DYM: variants seen among roughly 807,000 people sequenced by gnomAD.
DYM encodes dyggve-Melchior-Clausen syndrome protein.
In DYM, 78 loss-of-function variants were observed where a neutral mutation model predicts 93.1. The ratio of observed to expected loss-of-function variants is 0.84; its 90% CI spans 0.70 to 1.01. DYM has a LOEUF of 1.01. Among genes scored for constraint, DYM ranks in the 50% least tolerant of loss-of-function variants. DYM has a pLI of 0.00. For missense variants in DYM, 789 were observed against 845.0 expected (o/e 0.93, Z 0.82); for synonymous variants, 321 against 319.7 (o/e 1.00, Z -0.04).
intron 17 of DYM, among the ~76,000 whole-genome samples, chr18:49,083,806 T>C (rs1174128425): frequency 6.6e-6 from 1 of 152,204 alleles, no homozygotes; most frequent in Non-Finnish European, 1.5e-5. Context: ...AATATTGTAT[T>C]CCTTTATATT....
intron 8 of DYM, among the ~76,000 whole-genome samples, chr18:49,288,779 C>CAA (rs764326331): frequency 1.2e-4 from 17 of 139,516 alleles, no homozygotes; most frequent in Admixed American, 1.0e-3. Context: ...GACTCTGTCT[C>CAA]AAAAAAAAAC....
rs185636168 is a variant in DYM, at chr18:49,367,692, T to A, written c.422-4459A>T. Among the ~76,000 whole-genome samples the A allele has an allele frequency of 1.2e-3, 187 of 151,848 alleles. 1 individual carries two copies. The highest frequency in any genetic ancestry group is 1.9e-3 in the Non-Finnish European group (128 of 67,898). ...TTAAAAGAAATGTTAAAAGACAGAG[T>A]TTTTGTCTTTGTTTTCTTTGCGTTC... On this transcript the variant is annotated intron_variant, in intron 5 of 17. Coordinates refer to ENST00000675505, the MANE Select transcript of DYM (RefSeq NM_001353214.3).
At chr18:49,091,954 A>G (rs914756250) in intron 17 of DYM, among the ~76,000 whole-genome samples, 2 of 152,148 alleles carry the variant, frequency 1.3e-5, no homozygotes, top group Non-Finnish European at 2.9e-5. Flanking sequence ...ACTAAATAAT[A>G]CTGGATCATT....
chr18:49,152,367 C>T (rs1249796425), intron 15 of DYM, among the ~76,000 whole-genome samples: 1 of 152,096 alleles, frequency 6.6e-6, no homozygotes, highest in Non-Finnish European at 1.5e-5. Flanking sequence ...TAGAATCACT[C>T]TCAGAACATT....
chr18:49,133,946 G>T (rs1331076015), intron 15 of DYM, among the ~76,000 whole-genome samples: 3 of 152,168 alleles, frequency 2.0e-5, no homozygotes, highest in African/African-American at 2.4e-5. Context: ...CCAAATGTCC[G>T]ATAGTAGATG....
At position 49,221,795 on chromosome 18, in the gene DYM, T is replaced by C. The variant is rs375620702; in HGVS notation, c.1461-12080A>G. On this transcript the variant is annotated intron_variant, in intron 13 of 17. Coordinates refer to ENST00000675505, the MANE Select transcript of DYM (RefSeq NM_001353214.3). ...GAGGGAGGGATAGCATTAGGAGATA[T>C]ACCTAATGCTAAATGACGAGTTAAT... Among the ~76,000 whole-genome samples the C allele has an allele frequency of 1.4e-4, 21 of 152,158 alleles. No homozygotes were observed. In the South Asian group the frequency reaches 4.2e-3, roughly 30 times the overall value.
intron 8 of DYM, among the ~76,000 whole-genome samples, chr18:49,289,404 T>TAAAAAAAAAAAAAAAAAAAAAA (rs56240607): frequency 6.0e-5 from 2 of 33,508 alleles, no homozygotes; most frequent in African/African-American, 1.2e-4. Flanking sequence ...TACAAATCAG[T>TAAAAAAAAAAAAAAAAAAAAAA]AAAAAAAAAA....
chr18:49,451,584 G>A (rs1278808393), intron 1 of DYM, among the ~76,000 whole-genome samples: 2 of 152,234 alleles, frequency 1.3e-5, no homozygotes, highest in Non-Finnish European at 2.9e-5. Context: ...GCTGGGCTCA[G>A]CTTTAAGAAG....
At position 49,163,871 on chromosome 18, in the gene DYM, T is replaced by A. The variant is rs2087517961; in HGVS notation, c.1626-84A>T. On this transcript the variant is annotated intron_variant, in intron 14 of 17. Coordinates refer to ENST00000675505, the MANE Select transcript of DYM (RefSeq NM_001353214.3). ...TGTGGAAATATATAGTTCCACAGCATGTCAATTATTCTAAAATATACTTGT... is the reference window on the plus strand; with the variant it reads ...TGTGGAAATATATAGTTCCACAGCAAGTCAATTATTCTAAAATATACTTGT... The A allele has an allele frequency of 2.8e-5, 24 of 843,818 alleles. 2 individuals carry two copies. The South Asian group carries it at 3.0e-4, about 11-fold the overall frequency. The allele number at this position is 843,818 out of a possible 1,614,324, so 52.3% of individuals were successfully genotyped here.
At position 49,106,014 on chromosome 18, in the gene DYM, A is replaced by C. The variant is rs532832361; in HGVS notation, c.1912-8499T>G. The stretch of plus-strand genomic sequence containing the variant: ...TCTAATGTTGACAGTGGGGTGTTAG[A>C]GTCTCCCATTATTATTGTGTGGGAG... On this transcript the variant is annotated intron_variant, in intron 16 of 17. Coordinates refer to ENST00000675505, the MANE Select transcript of DYM (RefSeq NM_001353214.3). Among the ~76,000 whole-genome samples the C allele has an allele frequency of 2.0e-5, 3 of 152,282 alleles. No individual in the cohort carries two copies. In the East Asian group the frequency reaches 5.8e-4, roughly 29 times the overall value.
intron 14 of DYM, among the ~76,000 whole-genome samples, chr18:49,194,694 T>C (rs1238523291): frequency 6.6e-6 from 1 of 152,160 alleles, no homozygotes; most frequent in African/African-American, 2.4e-5. Flanking sequence ...GGGGTTTTAA[T>C]GTTACTGTTA....
chr18:49,229,583 A>G lies in DYM; in HGVS notation c.1461-19868T>C, dbSNP rs532005465. 1.2e-4 allele frequency among the ~76,000 whole-genome samples: 18 copies of G among 152,310 alleles called. 1 individual carries two copies. The South Asian group carries it at 3.5e-3, about 30-fold the overall frequency. On this transcript the variant is annotated intron_variant, in intron 13 of 17. Coordinates refer to ENST00000675505, the MANE Select transcript of DYM (RefSeq NM_001353214.3). The stretch of plus-strand genomic sequence containing the variant: ...TAAAACCATGAGTGAGCACCACAGA[A>G]CTATTAAAATGGCTTTTACAAAAAG...
intron 2 of DYM, among the ~76,000 whole-genome samples, chr18:49,398,672 T>C (rs2070415574): frequency 1.3e-5 from 2 of 152,222 alleles, no homozygotes; most frequent in African/African-American, 4.8e-5. Flanking sequence ...GTGTTCCTGA[T>C]CTTGGATTCT....
intron 17 of DYM, among the ~76,000 whole-genome samples, chr18:49,079,526 G>C (rs930714974): frequency 6.6e-6 from 1 of 152,038 alleles, no homozygotes. Context: ...AAGGTCTCTG[G>C]TTTTCCTAGG....
At chr18:49,062,088 C>T (rs2076026381) in intron 17 of DYM, among the ~76,000 whole-genome samples, 5 of 152,182 alleles carry the variant, frequency 3.3e-5, no homozygotes, top group Admixed American at 3.3e-4. Flanking sequence ...GCCTGATAGC[C>T]TCATAGCCCA....
chr18:49,146,719 T>A (rs2085183122), intron 15 of DYM, among the ~76,000 whole-genome samples: 2 of 152,176 alleles, frequency 1.3e-5, no homozygotes, highest in Admixed American at 1.3e-4. Flanking sequence ...TGGAAGAACA[T>A]TCTATGATCA....
At chr18:49,186,303 T>A (rs1484842316) in intron 14 of DYM, among the ~76,000 whole-genome samples, 3 of 152,194 alleles carry the variant, frequency 2.0e-5, no homozygotes, top group Non-Finnish European at 4.4e-5. Context: ...CTAATCAGTG[T>A]TGGCTCTCAA....
chr18:49,406,406 C>A lies in DYM; in HGVS notation c.141-14761G>T, dbSNP rs372911033. Among the ~76,000 whole-genome samples the A allele has an allele frequency of 5.1e-4, 77 of 151,934 alleles. 1 individual carries two copies. The South Asian group carries it at 0.015, about 30-fold the overall frequency. On this transcript the variant is annotated intron_variant, in intron 2 of 17. Transcript: ENST00000675505. The stretch of plus-strand genomic sequence containing the variant: ...TGAAACCCCGTCTCTACTAAAAATA[C>A]AAAAATTAGCCAGGTCTGGTGGCTC...
chr18:49,273,758 A>C (rs913613984), intron 10 of DYM, among the ~76,000 whole-genome samples: 1 of 151,962 alleles, frequency 6.6e-6, no homozygotes, highest in South Asian at 2.1e-4. Context: ...ATCACCTAAT[A>C]AAACATTTCT....
Sources: allele counts gnomAD v4.1 joint callset (sites outside exome capture counted in the v4.1 genomes callset), GRCh38; gene constraint gnomAD v4.1.1; transcripts MANE v1.5; gene names NCBI Gene and HGNC (gene_info 2026-07-23, HGNC 2026-07-21).